UTRN: variants seen among roughly 807,000 people sequenced by gnomAD.
The protein encoded by UTRN is utrophin, also known as dystrophin-related protein 1.
In UTRN, 283 loss-of-function variants were observed where a neutral mutation model predicts 463.9. The observed-to-expected ratio is 0.61, with a 90% confidence interval of 0.55 to 0.67. UTRN has a LOEUF of 0.67. Among genes scored for constraint, UTRN ranks in the 30% least tolerant of loss-of-function variants. The probability of loss-of-function intolerance (pLI) is 0.00; values close to 1 mark genes in which losing one functional copy is unlikely to be tolerated. For synonymous variants in UTRN, 1,442 were observed against 1,431.5 expected (o/e 1.01, Z -0.17); for missense variants, 3,922 against 4,084.3 (o/e 0.96, Z 1.08).
chr6:144,394,174 T>A (rs943835858), intron 2 of UTRN, among the ~76,000 whole-genome samples: 5 of 152,220 alleles, frequency 3.3e-5, no homozygotes, highest in African/African-American at 1.2e-4. Flanking sequence ...ATTCACTGCT[T>A]GATGCTTTTC....
At chr6:144,839,819 C>G (rs1054230298) in intron 72 of UTRN, among the ~76,000 whole-genome samples, 7 of 152,146 alleles carry the variant, frequency 4.6e-5, no homozygotes, top group Admixed American at 2.0e-4. Flanking sequence ...ACTCAGTAAA[C>G]TAGGTGTTAA....
rs746535571 is a variant in UTRN, at chr6:144,490,078, A to G, written c.4142A>G (p.Gln1381Arg). The change falls in exon 31 of 75, where the codon CAA becomes CGA. Residue 1381 changes from glutamine (Q) to arginine (R), a missense_variant. By Grantham distance (43) the Gln-to-Arg change is conservative (BLOSUM62 1). Coordinates refer to ENST00000367545, the MANE Select transcript of UTRN (RefSeq NM_007124.3). The part of the protein sequence containing the change: ...FQVPQEAQKI[Q>R]AEISAHELTL... ...TTTCCAATCTCTTTTTAGAAAATCC[A>G]AGCAGAGATCTCAGCCCATGAGCTA... 2 of 1,608,506 alleles carry G rather than the reference A, an allele frequency of 1.2e-6. No individual in the cohort carries two copies. The highest frequency in any genetic ancestry group is 2.2e-5 in the East Asian group (1 of 44,848).
chr6:144,320,655 T>A (rs1267694593), intron 2 of UTRN, among the ~76,000 whole-genome samples: 1 of 152,132 alleles, frequency 6.6e-6, no homozygotes, highest in Non-Finnish European at 1.5e-5. Flanking sequence ...GAGAGAAGGG[T>A]ATTCTGGGGC....
intron 52 of UTRN, among the ~76,000 whole-genome samples, 194 bp downstream of exon 52, chr6:144,678,772 C>T (rs1029008293): frequency 1.3e-5 from 2 of 152,090 alleles, no homozygotes; most frequent in Admixed American, 1.3e-4. Context: ...TACTTTCTGC[C>T]ACCTGTTCTA....
chr6:144,523,676 A>T (rs890611985), intron 41 of UTRN, among the ~76,000 whole-genome samples: 61 of 152,300 alleles, frequency 4.0e-4, no homozygotes, highest in Admixed American at 3.5e-3. Flanking sequence ...TCATGTATAG[A>T]TGACCATTTA....
intron 2 of UTRN, among the ~76,000 whole-genome samples, chr6:144,357,402 A>T (rs1182575100): frequency 6.6e-6 from 1 of 152,252 alleles, no homozygotes; most frequent in African/African-American, 2.4e-5. Flanking sequence ...TGCTCTGGGC[A>T]GGTGAGACTA....
At chr6:144,678,337 C>T (rs1331788978) in intron 51 of UTRN, 69 bp from the exon 52 acceptor site, 1 of 1,445,968 alleles carries the variant, frequency 6.9e-7, no homozygotes, top group South Asian at 1.5e-5. Context: ...TTGAGAGCAA[C>T]TCATCTGTGA....
chr6:144,624,939 T>G (rs1372493709), intron 51 of UTRN, among the ~76,000 whole-genome samples: 1 of 151,886 alleles, frequency 6.6e-6, no homozygotes, highest in Non-Finnish European at 1.5e-5. Context: ...GAGCGGAATG[T>G]GTTTTCTCTG....
At position 144,452,959 on chromosome 6, in the gene UTRN, A is replaced by G. The variant is rs553557313; in HGVS notation, c.2197-823A>G. ...CCTGCCTCAAAGAAAAAAAAAAAAAAAAGGAACAAAATGCTTTGGTTTGGG... is the reference window on the plus strand; with the variant it reads ...CCTGCCTCAAAGAAAAAAAAAAAAAGAAGGAACAAAATGCTTTGGTTTGGG... On this transcript the variant is annotated intron_variant, in intron 18 of 74. Transcript: ENST00000367545. 1.7e-3 allele frequency among the ~76,000 whole-genome samples: 265 copies of G among 151,966 alleles called. 4 individuals carry two copies. Among genetic ancestry groups the G allele is most frequent in the African/African-American group, 6.2e-3 (258 of 41,442 alleles).
chr6:144,330,094 G>T (rs1344869237), intron 2 of UTRN, among the ~76,000 whole-genome samples: 1 of 152,244 alleles, frequency 6.6e-6, no homozygotes, highest in African/African-American at 2.4e-5. Context: ...TGGAATGAGT[G>T]ATAGTTTGAG....
chr6:144,587,768 T>C (rs1282079461), intron 51 of UTRN, among the ~76,000 whole-genome samples: 1 of 152,114 alleles, frequency 6.6e-6, no homozygotes, highest in African/African-American at 2.4e-5. Flanking sequence ...TGTTGAGATG[T>C]GTGTATTTTA....
intron 40 of UTRN, among the ~76,000 whole-genome samples, chr6:144,522,449 C>T (rs1796190550): frequency 6.6e-6 from 1 of 152,150 alleles, no homozygotes; most frequent in South Asian, 2.1e-4. Flanking sequence ...AGACCACCTT[C>T]CTGTCTTATA....
chr6:144,308,308 A>G (rs1427376820), intron 2 of UTRN, among the ~76,000 whole-genome samples: 12 of 152,102 alleles, frequency 7.9e-5, no homozygotes, highest in African/African-American at 2.9e-4. Flanking sequence ...GTCATTGTTT[A>G]TGGTGGCAGC....
rs12216212 is a variant in UTRN, at chr6:144,582,695, A to G, written c.7479+5407A>G. 6.8e-3 allele frequency among the ~76,000 whole-genome samples: 1,032 copies of G among 152,340 alleles called. 2 individuals carry two copies. Among genetic ancestry groups the G allele is most frequent in the Middle Eastern group, 0.024 (7 of 294 alleles). Reference sequence around the variant, plus strand: ...TGTTTAATTAGACAAATCCTAACCTATTCCATTTCTAATGGCTTTCCTTCT... The same window carrying G: ...TGTTTAATTAGACAAATCCTAACCTGTTCCATTTCTAATGGCTTTCCTTCT... On this transcript the variant is annotated intron_variant, in intron 51 of 74. Transcript: ENST00000367545.
At position 144,835,892 on chromosome 6, in the gene UTRN, C is replaced by T. The variant is rs146824070; in HGVS notation, c.9778C>T (p.Arg3260Cys). ...CCTGAAGTCAGTAGAGAGGGAAGAA[C>T]GTGGAGAACTGGAGAGGATCATTGC... ...QILKSVEREERGELERIIADL... is the reference protein window; with the variant it reads ...QILKSVEREECGELERIIADL... Residue 3260 changes from arginine to cysteine, a missense_variant, in exon 70 of 75, where the codon CGT (arginine) becomes TGT (cysteine). By Grantham distance (180) the Arg-to-Cys change is radical. Coordinates refer to ENST00000367545, the MANE Select transcript of UTRN (RefSeq NM_007124.3). 24 of 1,614,064 alleles carry T rather than the reference C, an allele frequency of 1.5e-5. No homozygotes were observed. The African/African-American group carries it at 1.6e-4, about 11-fold the overall frequency.
At chr6:144,419,375 A>G (rs1364546732) in intron 3 of UTRN, among the ~76,000 whole-genome samples, 1 of 152,198 alleles carries the variant, frequency 6.6e-6, no homozygotes, top group Non-Finnish European at 1.5e-5. Context: ...TCAGATATGA[A>G]TAAGTAACAG....
rs1266684394 is a variant in UTRN at position 144,490,998 on chromosome 6, C to G, written c.4333C>G (p.Leu1445Val). Residue 1445 changes from leucine (L) to valine (V), a missense_variant, in exon 32 of 75, where the codon CTG becomes GTG. Physicochemically the swap from Leu to Val is conservative, Grantham distance 32 (BLOSUM62 1). This residue lies in a region of UTRN where 2,349 missense variants were observed against 2,303.8 expected (regional missense o/e 1.02). Coordinates refer to ENST00000367545, the MANE Select transcript of UTRN (RefSeq NM_007124.3). Reference sequence around the variant, plus strand: ...GCCAGCTAACTTCGAGCAGCGCATGCTGGACTGCAAGCGTGTGCTGGATGG... The same window carrying G: ...GCCAGCTAACTTCGAGCAGCGCATGGTGGACTGCAAGCGTGTGCTGGATGG... ...QKPANFEQRM[L>V]DCKRVLDGVK... 6.2e-7 allele frequency: 1 copy of G among 1,614,008 alleles called. No individual in the cohort carries two copies. Among genetic ancestry groups the G allele is most frequent in the African/African-American group, 1.3e-5 (1 of 75,068 alleles).
intron 63 of UTRN, among the ~76,000 whole-genome samples, chr6:144,794,375 C>G (rs975129876): frequency 6.6e-6 from 1 of 152,168 alleles, no homozygotes; most frequent in Non-Finnish European, 1.5e-5. Context: ...GTTCTTCCTT[C>G]CCCATTGCCC....
intron 17 of UTRN, among the ~76,000 whole-genome samples, chr6:144,449,139 T>C (rs1390255202): frequency 6.6e-6 from 1 of 152,206 alleles, no homozygotes; most frequent in Non-Finnish European, 1.5e-5. Context: ...TCTTTGAATA[T>C]AGCTTCCCCA....
Sources: gnomAD v4.1 joint callset for allele counts (sites outside exome capture counted in the v4.1 genomes callset) on GRCh38, gnomAD v4.1.1 for gene constraint, gnomAD v4.1.1 regional missense constraint, MANE v1.5 for transcripts, NCBI Gene and HGNC (gene_info 2026-07-23, HGNC 2026-07-21) for gene names.